WDR70: variants seen among roughly 807,000 people sequenced by gnomAD.
WDR70 encodes WD repeat domain 70, also known as WD repeat-containing protein 70.
A neutral mutation model predicts 88.6 loss-of-function variants in WDR70; 53 were observed. The ratio of observed to expected loss-of-function variants is 0.60; its 90% CI spans 0.48 to 0.75. The LOEUF (loss-of-function observed/expected upper bound fraction) is 0.75, where lower values mean the gene tolerates loss of function less well. Among genes scored for constraint, WDR70 ranks in the 30% least tolerant of loss-of-function variants. The pLI is 0.00. For synonymous variants in WDR70, 280 were observed against 270.0 expected, an observed-to-expected ratio of 1.04 and a Z score of -0.36; for missense variants, 610 against 823.2, an observed-to-expected ratio of 0.74 and a Z score of 3.17.
chr5:37,619,940 G>A (rs1461969785), intron 10 of WDR70: 1 of 69,268 alleles, frequency 1.4e-5, no homozygotes, highest in East Asian at 3.6e-4. Context: ...TTTTTTTTTA[G>A]CACAGATTCA....
chr5:37,738,036 A>C (rs1007334993), intron 17 of WDR70, among the ~76,000 whole-genome samples: 6 of 151,618 alleles, frequency 4.0e-5, no homozygotes, highest in Non-Finnish European at 5.9e-5. Flanking sequence ...ATTTAAAAAA[A>C]AAAAAAACAA....
At chr5:37,751,160 T>A (rs982359171) in intron 17 of WDR70, among the ~76,000 whole-genome samples, 2 of 152,204 alleles carry the variant, frequency 1.3e-5, no homozygotes, top group African/African-American at 4.8e-5. Flanking sequence ...CATACCTAAC[T>A]GGTCAGCATC....
At chr5:37,730,534 G>T (rs1374560970) in intron 17 of WDR70, among the ~76,000 whole-genome samples, 1 of 151,968 alleles carries the variant, frequency 6.6e-6, no homozygotes, top group Non-Finnish European at 1.5e-5. Flanking sequence ...CACTGTCATT[G>T]ATTTTCATAG....
intron 10 of WDR70, among the ~76,000 whole-genome samples, chr5:37,680,147 G>A (rs1477838151): frequency 6.8e-6 from 1 of 147,832 alleles, no homozygotes; most frequent in Non-Finnish European, 1.5e-5. Flanking sequence ...CTAACCATCA[G>A]TGATGTTGAG....
At chr5:37,699,360 A>ATGT (rs1747077921) in intron 11 of WDR70, among the ~76,000 whole-genome samples, 1 of 125,888 alleles carries the variant, frequency 7.9e-6, no homozygotes, top group African/African-American at 3.2e-5. Context: ...ACACACACAC[A>ATGT]GTGTGTGTGT....
chr5:37,622,483 G>T (rs1333550212), intron 10 of WDR70, among the ~76,000 whole-genome samples: 2 of 151,976 alleles, frequency 1.3e-5, no homozygotes, highest in Admixed American at 1.3e-4. Context: ...CAAAGACTTG[G>T]AACCAAGCCA....
At chr5:37,606,144 A>T (rs1744024884) in intron 10 of WDR70, among the ~76,000 whole-genome samples, 1 of 152,208 alleles carries the variant, frequency 6.6e-6, no homozygotes, top group Non-Finnish European at 1.5e-5. Flanking sequence ...AAATATTTAC[A>T]TTTTGAAGGG....
chr5:37,480,071 C>G, intron 8 of WDR70, 84 bp downstream of exon 8: 1 of 1,495,656 alleles, frequency 6.7e-7, no homozygotes, highest in Non-Finnish European at 9.0e-7. Flanking sequence ...AATAATTTTC[C>G]CCAAAAGTTA....
At chr5:37,662,160 G>A (rs1215652507) in intron 10 of WDR70, among the ~76,000 whole-genome samples, 1 of 152,120 alleles carries the variant, frequency 6.6e-6, no homozygotes, top group Admixed American at 6.5e-5. Flanking sequence ...TTTTGCAAAG[G>A]TGGTTTCATT....
chr5:37,749,987 TTTC>T (rs1748757836), intron 17 of WDR70, among the ~76,000 whole-genome samples: 1 of 152,214 alleles, frequency 6.6e-6, no homozygotes, highest in South Asian at 2.1e-4. Context: ...TTGTTTTTAG[TTTC>T]TTTACAAATC....
At chr5:37,574,597 TC>T in intron 9 of WDR70, among the ~76,000 whole-genome samples, 1 of 152,308 alleles carries the variant, frequency 6.6e-6, no homozygotes, top group East Asian at 1.9e-4. Context: ...CCTTTACATC[TC>T]TAGTTCTGCC....
intron 10 of WDR70, among the ~76,000 whole-genome samples, chr5:37,672,929 A>G (rs1746072562): frequency 6.6e-6 from 1 of 152,056 alleles, no homozygotes; most frequent in Non-Finnish European, 1.5e-5. Flanking sequence ...CTACATGTGC[A>G]GGTTTGTTAT....
Position 37,702,977 on chromosome 5 carries a change from A to C in WDR70, c.1306A>C (p.Lys436Gln). 6.2e-7 allele frequency: 1 copy of C among 1,612,756 alleles called. No individual in the cohort carries two copies. Among genetic ancestry groups the C allele is most frequent in the Non-Finnish European group, 8.5e-7 (1 of 1,178,868 alleles). The change falls in exon 13 of 18, where the codon AAG becomes CAG. Residue 436 changes from lysine (K) to glutamine (Q), a missense_variant. Lys to Gln is a moderately conservative substitution (Grantham distance 53). Coordinates refer to ENST00000265107, the MANE Select transcript of WDR70 (RefSeq NM_018034.4). ...TGACTGCTGTTTCAGTCCAGATGAT[A>C]AGCTCATAGTCACTGGTACATCTAT... ...MTDCCFSPDD[K>Q]LIVTGTSIQR...
rs573476633 is a variant in WDR70, at chr5:37,701,152, A to G, written c.1277+10A>G. 4.6e-6 allele frequency: 7 copies of G among 1,516,350 alleles called. No homozygotes were observed. The highest frequency in any genetic ancestry group is 3.3e-5 in the Admixed American group (2 of 59,826). 93.9% of individuals were successfully genotyped at this position (1,516,350 alleles called of 1,614,324 possible). On this transcript the variant is annotated intron_variant, in intron 12 of 17. Transcript: ENST00000265107. ...CCACCATGTTCCCAATGTAAGTAGC[A>G]TATTTTAAATATTTGATCAGCATAG...
chr5:37,597,884 G>T (rs1011644799), intron 9 of WDR70, among the ~76,000 whole-genome samples: 13 of 152,106 alleles, frequency 8.5e-5, no homozygotes, highest in Non-Finnish European at 7.4e-5. Flanking sequence ...ATATATTTAG[G>T]GATTGTATTT....
intron 5 of WDR70, among the ~76,000 whole-genome samples, chr5:37,400,073 C>T (rs752508668): frequency 1.3e-5 from 2 of 152,130 alleles, no homozygotes; most frequent in Non-Finnish European, 2.9e-5. Context: ...GCTGGGATTA[C>T]AGGCATCTGC....
chr5:37,579,368 G>C (rs1743153794), intron 9 of WDR70, among the ~76,000 whole-genome samples: 1 of 152,040 alleles, frequency 6.6e-6, no homozygotes, highest in South Asian at 2.1e-4. Flanking sequence ...GGTGGATCAT[G>C]AGGTCAAGAG....
chr5:37,519,407 T>G (rs1581359164), intron 9 of WDR70, among the ~76,000 whole-genome samples: 1 of 136,844 alleles, frequency 7.3e-6, no homozygotes, highest in Non-Finnish European at 1.5e-5. Context: ...GAGGCGCTCC[T>G]CACTTCCCAG....
Position 37,594,150 on chromosome 5 carries a change from A to G in WDR70, c.918-10914A>G, listed in dbSNP as rs541103956. Reference sequence around the variant, plus strand: ...TTTGCCGTATGGAAGCTCTTTAATTAGATCCCATTTGTCAATTTTGCCTTT... The same window carrying G: ...TTTGCCGTATGGAAGCTCTTTAATTGGATCCCATTTGTCAATTTTGCCTTT... On this transcript the variant is annotated intron_variant, in intron 9 of 17. Transcript: ENST00000265107. Among the ~76,000 whole-genome samples the G allele has an allele frequency of 1.0e-3, 155 of 152,156 alleles. 1 individual carries two copies. Among genetic ancestry groups the G allele is most frequent in the African/African-American group, 3.4e-3 (141 of 41,528 alleles).
Sources: allele counts gnomAD v4.1 joint callset (sites outside exome capture counted in the v4.1 genomes callset), GRCh38; gene constraint gnomAD v4.1.1; transcripts MANE v1.5; gene names NCBI Gene and HGNC (gene_info 2026-07-23, HGNC 2026-07-21).